The following PTPN3 variants were observed in gnomAD, a reference collection of about 807,000 sequenced individuals.
PTPN3 encodes the protein protein tyrosine phosphatase non-receptor type 3, also known as tyrosine-protein phosphatase non-receptor type 3.
Under a neutral mutation model 132.7 loss-of-function variants are expected in PTPN3, and 96 were observed. The observed-to-expected ratio is 0.72, with a 90% CI of 0.61 to 0.86. PTPN3 has a LOEUF of 0.86. Ranked by LOEUF, PTPN3 falls within the 40% of genes least tolerant of loss-of-function variation. The pLI is 0.00. For synonymous variants in PTPN3, 398 were observed against 429.0 expected, an observed-to-expected ratio of 0.93 and a Z score of 0.89; for missense variants, 1,125 against 1,159.6, an observed-to-expected ratio of 0.97 and a Z score of 0.43.
intron 14 of PTPN3, among the ~76,000 whole-genome samples, chr9:109,419,389 G>A (rs1178961853): frequency 6.6e-6 from 1 of 152,180 alleles, no homozygotes; most frequent in Non-Finnish European, 1.5e-5. Context: ...TAACTAACGT[G>A]CCTGCTTGCT....
At chr9:109,464,122 C>T (rs1845981950) in intron 1 of PTPN3, among the ~76,000 whole-genome samples, 1 of 152,242 alleles carries the variant, frequency 6.6e-6, no homozygotes, top group African/African-American at 2.4e-5. Flanking sequence ...TGATTCAAGA[C>T]TGGCAAAACC....
chr9:109,380,243 A>ATCTG (rs1395953939), intron 25 of PTPN3, among the ~76,000 whole-genome samples: 1 of 151,826 alleles, frequency 6.6e-6, no homozygotes, highest in African/African-American at 2.4e-5. Context: ...CTATCTATCT[A>ATCTG]TCTATCTATC....
At chr9:109,383,587 T>C (rs949546093) in intron 22 of PTPN3, 36 bp from the exon 23 acceptor site, 1 of 1,605,562 alleles carries the variant, frequency 6.2e-7, no homozygotes, top group African/African-American at 1.3e-5. Context: ...GAGCCCCGTC[T>C]GTGGGGTGTT....
chr9:109,434,950 C>T (rs1463612052), intron 9 of PTPN3, among the ~76,000 whole-genome samples: 1 of 152,174 alleles, frequency 6.6e-6, no homozygotes, highest in Admixed American at 6.5e-5. Context: ...AGTGCTGATA[C>T]TGTGGAAAGT....
At chr9:109,517,691 G>T in the PTPN3 span, among the ~76,000 whole-genome samples, 1 of 152,170 alleles carries the variant, frequency 6.6e-6, no homozygotes, top group African/African-American at 2.4e-5. Context: ...ACCATGTGAT[G>T]GAAACCATAA....
chr9:109,495,525 C>T (rs1847633221), intron 1 of PTPN3, among the ~76,000 whole-genome samples: 1 of 152,182 alleles, frequency 6.6e-6, no homozygotes, highest in Non-Finnish European at 1.5e-5. Context: ...TTGCTCCTGG[C>T]CCCACTCTAC....
At chr9:109,459,381 G>T (rs1456930503) in intron 2 of PTPN3, among the ~76,000 whole-genome samples, 1 of 152,198 alleles carries the variant, frequency 6.6e-6, no homozygotes, top group Non-Finnish European at 1.5e-5. Flanking sequence ...CACATAGAAA[G>T]ACACAAAGTG....
Position 109,422,820 on chromosome 9 carries a change from A to G in PTPN3, c.1034T>C (p.Ile345Thr), listed in dbSNP as rs2131849400. Residue 345 changes from isoleucine (I) to threonine (T), a missense_variant, in exon 13 of 26, where the codon ATT becomes ACT. By Grantham distance (89) the Ile-to-Thr change is moderately conservative. Coordinates refer to ENST00000374541, the MANE Select transcript of PTPN3 (RefSeq NM_002829.4). Reference sequence around the variant, plus strand: ...GGCTGGGTTCCACACCATCCCGCCAATCACCTTTTTGCAATATTGGTTATT... The same window carrying G: ...GGCTGGGTTCCACACCATCCCGCCAGTCACCTTTTTGCAATATTGGTTATT... ...SVNNQYCKKV[I>T]GGMVWNPAMR... 2 of 1,613,440 alleles carry G rather than the reference A, an allele frequency of 1.2e-6. No individual in the cohort carries two copies. Among genetic ancestry groups the G allele is most frequent in the East Asian group, 2.2e-5 (1 of 44,874 alleles).
chr9:109,537,496 C>T, the PTPN3 span, among the ~76,000 whole-genome samples: 9 of 150,516 alleles, frequency 6.0e-5, no homozygotes, highest in Admixed American at 5.4e-4. Context: ...CCATCCATTC[C>T]GGGTTTCCTT....
chr9:109,530,128 G>A, the PTPN3 span, among the ~76,000 whole-genome samples: 1 of 152,100 alleles, frequency 6.6e-6, no homozygotes, highest in Admixed American at 6.5e-5. Flanking sequence ...ATAGTCCAAT[G>A]GCATTGAGTT....
Position 109,415,068 on chromosome 9 carries a change from GTCCATCCAACCA to G in PTPN3, c.1314-4665_1314-4654del, listed in dbSNP as rs1212186812. Reference sequence around the variant, plus strand: ...CGTCCGTCCATCCGTCCATCCGTCCGTCCATCCAACCATCCATCCATCCATCCATCCATCCAT... The same window carrying G: ...CGTCCGTCCATCCGTCCATCCGTCCGTCCATCCATCCATCCATCCATCCAT... On this transcript the variant is annotated intron_variant, in intron 14 of 25. Coordinates refer to ENST00000374541, the MANE Select transcript of PTPN3 (RefSeq NM_002829.4). Among the ~76,000 whole-genome samples the G allele has an allele frequency of 5.5e-4, 44 of 79,762 alleles. No homozygotes were observed. The East Asian group carries it at 5.9e-3, about 11-fold the overall frequency. The allele number at this position is 79,762 out of a possible 152,430, so 52.3% of individuals were successfully genotyped here. A position where few individuals can be genotyped will look rare whatever the true frequency, so the allele number is the denominator to read the frequency against.
chr9:109,412,499 G>A (rs1268309018), intron 14 of PTPN3, among the ~76,000 whole-genome samples: 1 of 151,740 alleles, frequency 6.6e-6, no homozygotes, highest in African/African-American at 2.4e-5. Context: ...TCAGCCTCCT[G>A]AGTAACTGGG....
In PTPN3 at chr9:109,417,227, C is replaced by T. The variant is rs115358292; in HGVS notation, c.1313+3197G>A. Reference sequence around the variant, plus strand: ...AAACTTTGCTGTGCTGCTATAAATACGGAACAAACCAGCAAGTGACTCATC... The same window carrying T: ...AAACTTTGCTGTGCTGCTATAAATATGGAACAAACCAGCAAGTGACTCATC... On this transcript the variant is annotated intron_variant, in intron 14 of 25. Transcript: ENST00000374541. Among the ~76,000 whole-genome samples, 1,362 of 152,340 alleles carry T rather than the reference C, an allele frequency of 8.9e-3. 11 individuals carry two copies. Among genetic ancestry groups the T allele is most frequent in the African/African-American group, 0.031 (1,302 of 41,584 alleles).
In PTPN3 at chr9:109,410,258, C is replaced by T. The variant is rs373058480; in HGVS notation, c.1471G>A (p.Glu491Lys). Reference protein sequence around the residue: ...FHRVTKGGSTEDASQYYCDKN... With the variant: ...FHRVTKGGSTKDASQYYCDKN... ...TCACAGTAGTACTGGCTGGCGTCCT[C>T]GGTGGAGCCCCCTTTGGTCACCCTG... Residue 491 changes from glutamate (E) to lysine (K), a missense_variant, in exon 15 of 26, where the codon GAG becomes AAG. Coordinates refer to ENST00000374541, the MANE Select transcript of PTPN3 (RefSeq NM_002829.4). The T allele has an allele frequency of 1.2e-5, 19 of 1,614,008 alleles. No individual in the cohort carries two copies. Among genetic ancestry groups the T allele is most frequent in the Middle Eastern group, 1.6e-4 (1 of 6,084 alleles).
At chr9:109,460,425 C>T (rs1845788273) in intron 2 of PTPN3, among the ~76,000 whole-genome samples, 2 of 152,112 alleles carry the variant, frequency 1.3e-5, no homozygotes, top group Admixed American at 6.5e-5. Context: ...GTGCTTTCCA[C>T]CTCATGTAGG....
chr9:109,438,296 T>G, intron 7 of PTPN3, 62 bp from the exon 8 acceptor site: 1 of 1,522,778 alleles, frequency 6.6e-7, no homozygotes, highest in African/African-American at 1.4e-5. Flanking sequence ...TGGTTTGCAT[T>G]TATAAGCATC....
chr9:109,442,149 A>G (rs1307127802), intron 7 of PTPN3, among the ~76,000 whole-genome samples: 1 of 151,998 alleles, frequency 6.6e-6, no homozygotes, highest in Non-Finnish European at 1.5e-5. Context: ...CAGGGCTCAA[A>G]TAATCCTCTC....
chr9:109,391,877 G>T lies in PTPN3; in HGVS notation c.1954-316C>A, dbSNP rs531956364. ...GCTAAAAGCAACTAGATGTGGGGGG[G>T]GGGGGGAAGAATTCTGGCTCAAAAT... On this transcript the variant is annotated intron_variant, in intron 19 of 25. Transcript: ENST00000374541. 1.3e-3 allele frequency among the ~76,000 whole-genome samples: 127 copies of T among 101,120 alleles called. 19 individuals carry two copies. Among genetic ancestry groups the T allele is most frequent in the African/African-American group, 4.6e-3 (118 of 25,866 alleles). 66.3% of individuals were successfully genotyped at this position (101,120 alleles called of 152,430 possible).
intron 1 of PTPN3, among the ~76,000 whole-genome samples, chr9:109,479,130 T>G (rs1305402481): frequency 6.6e-6 from 1 of 152,120 alleles, no homozygotes; most frequent in Non-Finnish European, 1.5e-5. Context: ...TTACCACTAT[T>G]TCCAGAAATT....
Sources: allele counts gnomAD v4.1 joint callset (sites outside exome capture counted in the v4.1 genomes callset), GRCh38; gene constraint gnomAD v4.1.1; transcripts MANE v1.5; gene names NCBI Gene and HGNC (gene_info 2026-07-23, HGNC 2026-07-21).